Variants in HNRNPC observed in about 807,000 individuals in gnomAD.
HNRNPC encodes the protein heterogeneous nuclear ribonucleoproteins C1/C2.
Under a neutral mutation model 33.2 loss-of-function variants are expected in HNRNPC, and 3 were observed. The ratio of observed to expected loss-of-function variants is 0.09; its 90% CI spans 0.04 to 0.23. The LOEUF is 0.23. Among genes scored for constraint, HNRNPC ranks in the 10% least tolerant of loss-of-function variants. The pLI, the probability that HNRNPC is intolerant of heterozygous loss-of-function variation, is 1.00. For missense variants in HNRNPC, 143 were observed against 366.7 expected (o/e 0.39, Z 4.98); for synonymous variants, 121 against 126.7 (o/e 0.96, Z 0.30).
At chr14:21,258,581 T>C (rs1877626545) in intron 2 of HNRNPC, among the ~76,000 whole-genome samples, 1 of 152,044 alleles carries the variant, frequency 6.6e-6, no homozygotes, top group Admixed American at 6.5e-5. Context: ...TATCTACTCC[T>C]ACTCAAGGTT....
At chr14:21,268,242 G>C (rs898748851) in intron 1 of HNRNPC, among the ~76,000 whole-genome samples, 5 of 152,112 alleles carry the variant, frequency 3.3e-5, no homozygotes, top group African/African-American at 1.2e-4. Flanking sequence ...GTTAATATTT[G>C]CTTAATATAA....
At chr14:21,222,508 G>C (rs1892937935) in intron 5 of HNRNPC, among the ~76,000 whole-genome samples, 1 of 152,106 alleles carries the variant, frequency 6.6e-6, no homozygotes, top group Non-Finnish European at 1.5e-5. Flanking sequence ...GTTGTACCAT[G>C]TATCAGTACT....
chr14:21,231,694 G>C (rs1322820443), intron 3 of HNRNPC, among the ~76,000 whole-genome samples: 3 of 152,048 alleles, frequency 2.0e-5, no homozygotes, highest in Admixed American at 6.6e-5. Context: ...TACCATTCAA[G>C]TGTTCCTGAG....
intron 5 of HNRNPC, among the ~76,000 whole-genome samples, chr14:21,224,878 TGGA>T (rs1893236155): frequency 6.6e-6 from 1 of 152,194 alleles, no homozygotes; most frequent in African/African-American, 2.4e-5. Context: ...TATTTAGCCA[TGGA>T]GTAATAACAG....
In HNRNPC at chr14:21,209,369, A is replaced by T. The variant is rs1222140993; in HGVS notation, c.*1854T>A. 6.6e-6 allele frequency: 1 copy of T among 152,158 alleles called. No homozygotes were observed. Among genetic ancestry groups the T allele is most frequent in the Non-Finnish European group, 1.5e-5 (1 of 68,028 alleles). 9.4% of individuals were successfully genotyped at this position (152,158 alleles called of 1,614,324 possible). A position where few individuals can be genotyped will look rare whatever the true frequency, so the allele number is the denominator to read the frequency against. Reference sequence around the variant, plus strand: ...CTAATTTGTTCAGTATTTCCCAAAAACTTACAGCTAACAATAATATTAAAC... The same window carrying T: ...CTAATTTGTTCAGTATTTCCCAAAATCTTACAGCTAACAATAATATTAAAC... On this transcript the variant is annotated 3_prime_UTR_variant, in exon 9 of 9. Transcript: ENST00000553300.
intron 2 of HNRNPC, among the ~76,000 whole-genome samples, chr14:21,247,922 C>T (rs968250014): frequency 8.6e-5 from 13 of 151,338 alleles, no homozygotes; most frequent in African/African-American, 2.7e-4. Flanking sequence ...ACATGGGAGG[C>T]GGAGGTTGCA....
At chr14:21,222,983 G>A (rs1258156371) in intron 5 of HNRNPC, among the ~76,000 whole-genome samples, 4 of 151,950 alleles carry the variant, frequency 2.6e-5, no homozygotes, top group Non-Finnish European at 4.4e-5. Flanking sequence ...GCCAGATCTC[G>A]AGGTCAGGTG....
chr14:21,234,869 T>C (rs1894508661), intron 2 of HNRNPC: 1 of 111,182 alleles, frequency 9.0e-6, no homozygotes. Context: ...CAGTATGCTT[T>C]AGATACATAA....
chr14:21,239,810 G>T (rs1027691303), intron 2 of HNRNPC, among the ~76,000 whole-genome samples: 1 of 152,062 alleles, frequency 6.6e-6, no homozygotes, highest in African/African-American at 2.4e-5. Flanking sequence ...TGAGGTGGAG[G>T]TTGCAGCGAG....
At chr14:21,222,040 C>CAA (rs71112558) in intron 5 of HNRNPC, among the ~76,000 whole-genome samples, 22 of 65,688 alleles carry the variant, frequency 3.3e-4, no homozygotes, top group Admixed American at 9.2e-4. Context: ...GACTCCGTCT[C>CAA]AAAAAAAAAA....
chr14:21,253,788 A>G (rs775839117), intron 2 of HNRNPC, among the ~76,000 whole-genome samples: 78 of 152,208 alleles, frequency 5.1e-4, no homozygotes, highest in African/African-American at 1.6e-3. Flanking sequence ...ATGTGCGGCC[A>G]GGCGCGGTGG....
chr14:21,241,629 C>CTCTA (rs2139713839), intron 2 of HNRNPC, among the ~76,000 whole-genome samples: 1 of 152,304 alleles, frequency 6.6e-6, no homozygotes, highest in South Asian at 2.1e-4. Context: ...CCACATTACT[C>CTCTA]TCTATCTGGT....
chr14:21,214,491 C>A (rs1286386349), intron 5 of HNRNPC, among the ~76,000 whole-genome samples: 1 of 152,010 alleles, frequency 6.6e-6, no homozygotes, highest in East Asian at 1.9e-4. Flanking sequence ...GCAAGGAAAG[C>A]TGAGATGGAA....
chr14:21,220,610 A>C (rs1892722173), intron 5 of HNRNPC, among the ~76,000 whole-genome samples: 1 of 152,178 alleles, frequency 6.6e-6, no homozygotes, highest in South Asian at 2.1e-4. Flanking sequence ...TAAATAAATG[A>C]AGTTCCCAAC....
At chr14:21,222,697 C>T (rs1892968083) in intron 5 of HNRNPC, among the ~76,000 whole-genome samples, 1 of 151,728 alleles carries the variant, frequency 6.6e-6, no homozygotes, top group South Asian at 2.1e-4. Context: ...TCAAGACCAT[C>T]CTGGCAAATA....
At chr14:21,235,693 A>C (rs752631365) in intron 2 of HNRNPC, among the ~76,000 whole-genome samples, 2 of 152,198 alleles carry the variant, frequency 1.3e-5, no homozygotes, top group Non-Finnish European at 2.9e-5. Context: ...TAAAAAGAGG[A>C]ATTAAAACAA....
intron 2 of HNRNPC, among the ~76,000 whole-genome samples, chr14:21,243,918 G>A (rs1180216313): frequency 6.6e-6 from 1 of 152,078 alleles, no homozygotes; most frequent in Non-Finnish European, 1.5e-5. Flanking sequence ...ATATATACCT[G>A]TAGCTACATA....
At chr14:21,229,085 TA>T (rs56112804) in intron 5 of HNRNPC, among the ~76,000 whole-genome samples, 10,174 of 107,806 alleles carry the variant, frequency 0.094, 407 homozygotes, top group Middle Eastern at 0.15. Context: ...ATTCCGTATT[TA>T]AAAAAAAAAA....
At chr14:21,250,708 T>G (rs1896545751) in intron 2 of HNRNPC, among the ~76,000 whole-genome samples, 2 of 152,220 alleles carry the variant, frequency 1.3e-5, no homozygotes, top group Admixed American at 1.3e-4. Context: ...GTAAAGTAAA[T>G]GTGGCTACAC....
Sources: gnomAD v4.1 joint callset for allele counts (sites outside exome capture counted in the v4.1 genomes callset) on GRCh38, gnomAD v4.1.1 for gene constraint, MANE v1.5 for transcripts, NCBI Gene and HGNC (gene_info 2026-07-23, HGNC 2026-07-21) for gene names.